SLC9C1: variants seen among roughly 807,000 people sequenced by gnomAD.
SLC9C1 encodes the protein solute carrier family 9 member C1, also known as sodium/hydrogen exchanger 10.
Under a neutral mutation model 140.9 loss-of-function variants are expected in SLC9C1, and 97 were observed. The ratio of observed to expected loss-of-function variants is 0.69; its 90% CI spans 0.58 to 0.82. The LOEUF (loss-of-function observed/expected upper bound fraction) is 0.82, where lower values mean the gene tolerates loss of function less well. SLC9C1 is among the 40% of genes least tolerant of loss of function. The pLI is 0.00. For missense variants in SLC9C1, 1,340 were observed against 1,389.3 expected, an observed-to-expected ratio of 0.96 and a Z score of 0.56; for synonymous variants, 440 against 442.6, an observed-to-expected ratio of 0.99 and a Z score of 0.07.
chr3:112,257,652 T>A (rs562079587), intron 10 of SLC9C1, among the ~76,000 whole-genome samples: 3 of 152,258 alleles, frequency 2.0e-5, no homozygotes, highest in East Asian at 3.9e-4. Flanking sequence ...AAAGATTTCA[T>A]GACAAAGATG....
At position 112,272,330 on chromosome 3, in the gene SLC9C1, C is replaced by G. The variant is rs180734340; in HGVS notation, c.614-2253G>C. ...TGTTAAGCCAGGAAAAGTCTCAAAG[C>G]AAAGCCATTACTGCTTATACTGTTT... On this transcript the variant is annotated intron_variant, in intron 6 of 28. Transcript: ENST00000305815. 2.1e-3 allele frequency among the ~76,000 whole-genome samples: 319 copies of G among 152,324 alleles called. 2 individuals are homozygous for G. Among genetic ancestry groups the G allele is most frequent in the African/African-American group, 7.4e-3 (307 of 41,578 alleles).
At chr3:112,181,844 G>T (rs953822116) in intron 21 of SLC9C1, among the ~76,000 whole-genome samples, 2 of 152,064 alleles carry the variant, frequency 1.3e-5, no homozygotes, top group Non-Finnish European at 2.9e-5. Context: ...ACCCACAGAT[G>T]AATGGAATTA....
intron 23 of SLC9C1, among the ~76,000 whole-genome samples, chr3:112,177,746 A>G (rs1427022644): frequency 1.3e-5 from 2 of 148,736 alleles, no homozygotes; most frequent in East Asian, 4.4e-4. Flanking sequence ...AATTAAATAG[A>G]AAAAAAATCA....
At chr3:112,158,759 G>A (rs1173913400) in intron 26 of SLC9C1, among the ~76,000 whole-genome samples, 1 of 151,678 alleles carries the variant, frequency 6.6e-6, no homozygotes, top group African/African-American at 2.4e-5. Context: ...GGTTGTATGT[G>A]TCCAGGAATT....
At chr3:112,202,874 G>A (rs1011718953) in intron 17 of SLC9C1, among the ~76,000 whole-genome samples, 5 of 151,944 alleles carry the variant, frequency 3.3e-5, no homozygotes, top group Admixed American at 3.3e-4. Flanking sequence ...TCTTTGCTGA[G>A]GGTTGAAGTC....
In SLC9C1 at chr3:112,180,602, G is replaced by A. The variant is rs201631333; in HGVS notation, c.2710C>T (p.Pro904Ser). 613 of 1,613,064 alleles carry A rather than the reference G, an allele frequency of 3.8e-4. 2 individuals carry two copies. The highest frequency in any genetic ancestry group is 3.1e-5 in the Non-Finnish European group (37 of 1,179,708). ...GAAATAATGATATAGATTCCTTTGGGCTCATCACCTTCTTCAAATATATCA... is the reference window on the plus strand; with the variant it reads ...GAAATAATGATATAGATTCCTTTGGACTCATCACCTTCTTCAAATATATCA... ...GNDIFEEGDE[P>S]KGIYIIISGM... The change falls in exon 22 of 29, where the codon CCC (proline) becomes TCC (serine). Residue 904 changes from proline (P) to serine (S), a missense_variant. Coordinates refer to ENST00000305815, the MANE Select transcript of SLC9C1 (RefSeq NM_183061.3).
At chr3:112,217,310 C>T in intron 15 of SLC9C1, 132 bp downstream of exon 15, 1 of 1,015,606 alleles carries the variant, frequency 9.8e-7, no homozygotes, top group Admixed American at 3.0e-5. Context: ...CATATGTAAC[C>T]TGCACGTTGT....
intron 10 of SLC9C1, among the ~76,000 whole-genome samples, chr3:112,261,871 G>A (rs2079782554): frequency 6.6e-6 from 1 of 152,040 alleles, no homozygotes; most frequent in Admixed American, 6.6e-5. Flanking sequence ...ACTAGCTCAT[G>A]AGAGCTAATC....
chr3:112,147,395 A>G (rs1019710411), intron 28 of SLC9C1: 2 of 263,628 alleles, frequency 7.6e-6, no homozygotes, highest in Non-Finnish European at 1.6e-5. Context: ...AGGTATGTAC[A>G]TGGGTGAGTT....
intron 17 of SLC9C1, 90 bp downstream of exon 17, chr3:112,204,125 ATGT>A: frequency 1.6e-6 from 2 of 1,269,642 alleles, no homozygotes; most frequent in South Asian, 4.5e-5. Context: ...CCAACAGAAT[ATGT>A]TAACCATAAA....
At chr3:112,150,024 A>G (rs983672030) in intron 28 of SLC9C1, among the ~76,000 whole-genome samples, 4 of 152,228 alleles carry the variant, frequency 2.6e-5, no homozygotes, top group African/African-American at 9.6e-5. Context: ...CTCACTACCC[A>G]GAAGAAATTA....
At chr3:112,160,649 T>G (rs1371968786) in intron 26 of SLC9C1, among the ~76,000 whole-genome samples, 2 of 151,528 alleles carry the variant, frequency 1.3e-5, no homozygotes, top group East Asian at 3.9e-4. Flanking sequence ...TGTGCCACAT[T>G]TTCTTAATCC....
At chr3:112,230,037 GCTTT>G (rs1417885537) in intron 13 of SLC9C1, among the ~76,000 whole-genome samples, 4 of 152,044 alleles carry the variant, frequency 2.6e-5, no homozygotes, top group African/African-American at 7.2e-5. Context: ...ACTCCTTTGT[GCTTT>G]CTAAGGAAGC....
At chr3:112,155,198 G>A (rs2075095796) in intron 26 of SLC9C1, 149 bp from the exon 27 acceptor site, 2 of 593,852 alleles carry the variant, frequency 3.4e-6, no homozygotes, top group Non-Finnish European at 5.5e-6. Flanking sequence ...TTAAAAAAAA[G>A]GGTCACATTT....
intron 23 of SLC9C1, among the ~76,000 whole-genome samples, chr3:112,175,981 A>G (rs2077329534): frequency 6.6e-6 from 1 of 152,212 alleles, no homozygotes. Context: ...CCCTGGATTC[A>G]GTCCCTTTCT....
chr3:112,269,754 T>C (rs183422507), intron 7 of SLC9C1, among the ~76,000 whole-genome samples, 162 bp downstream of exon 7: 1 of 152,306 alleles, frequency 6.6e-6, no homozygotes. Context: ...GTTGTATAGA[T>C]ATTCATATGT....
At chr3:112,160,544 T>A (rs1254264940) in intron 26 of SLC9C1, among the ~76,000 whole-genome samples, 1 of 151,750 alleles carries the variant, frequency 6.6e-6, no homozygotes, top group Admixed American at 6.6e-5. Flanking sequence ...CTTGCGATAG[T>A]TTACTGAGAA....
chr3:112,292,234 C>T (rs1477496502), intron 1 of SLC9C1, among the ~76,000 whole-genome samples: 2 of 152,118 alleles, frequency 1.3e-5, no homozygotes, highest in African/African-American at 4.8e-5. Flanking sequence ...ACCCATATAA[C>T]AAACCTGCAC....
chr3:112,141,185 CCTT>C lies in SLC9C1; in HGVS notation c.*84_*86del. Reference sequence around the variant, plus strand: ...ACACAGGATCCAACCTGAAGTTACTCCTTCTTGATGTAGGGAAGTGTGTTTCTG... The same window carrying C: ...ACACAGGATCCAACCTGAAGTTACTCCTTGATGTAGGGAAGTGTGTTTCTG... On this transcript the variant is annotated 3_prime_UTR_variant, in exon 29 of 29. Transcript: ENST00000305815. 3.7e-6 allele frequency: 5 copies of C among 1,357,360 alleles called. No homozygotes were observed. In the South Asian group the frequency reaches 7.1e-5, roughly 19 times the overall value. 84.1% of individuals were successfully genotyped at this position (1,357,360 alleles called of 1,614,324 possible). A position where few individuals can be genotyped will look rare whatever the true frequency, so the allele number is the denominator to read the frequency against.
Sources: gnomAD v4.1 joint callset for allele counts (sites outside exome capture counted in the v4.1 genomes callset) on GRCh38, gnomAD v4.1.1 for gene constraint, MANE v1.5 for transcripts, NCBI Gene and HGNC (gene_info 2026-07-23, HGNC 2026-07-21) for gene names.